Variants in GKAP1 observed in about 807,000 individuals in gnomAD.
GKAP1 encodes G kinase-anchoring protein 1.
Under a neutral mutation model 56.7 loss-of-function variants are expected in GKAP1, and 31 were observed. That is an observed-to-expected ratio of 0.55 (90% CI 0.41 to 0.74). GKAP1 has a LOEUF of 0.74. GKAP1 is among the 30% of genes least tolerant of loss of function. GKAP1 has a pLI of 0.00. For missense variants in GKAP1, 364 were observed against 402.3 expected, an observed-to-expected ratio of 0.90 and a Z score of 0.82; for synonymous variants, 151 against 138.6, an observed-to-expected ratio of 1.09 and a Z score of -0.63.
chr9:83,806,604 G>A, intron 2 of GKAP1, 44 bp from the exon 3 acceptor site: 1 of 1,058,412 alleles, frequency 9.4e-7, no homozygotes, highest in Non-Finnish European at 1.4e-6. Context: ...AACAAACAGA[G>A]TAAAATCTGT....
intron 3 of GKAP1, 113 bp from the exon 4 acceptor site, chr9:83,799,441 CGTTT>C: frequency 1.4e-6 from 1 of 703,384 alleles, no homozygotes; most frequent in Non-Finnish European, 2.3e-6. Context: ...TGAAACCACT[CGTTT>C]TGCTAACTCA....
chr9:83,813,112 A>G (rs1222837359), intron 2 of GKAP1, among the ~76,000 whole-genome samples: 3 of 152,208 alleles, frequency 2.0e-5, no homozygotes, highest in African/African-American at 7.2e-5. Context: ...CTGCATCTCC[A>G]CATACAGTCA....
chr9:83,799,959 T>C (rs1944305341), intron 3 of GKAP1, among the ~76,000 whole-genome samples: 1 of 152,138 alleles, frequency 6.6e-6, no homozygotes, highest in African/African-American at 2.4e-5. Flanking sequence ...AGTGAGACCC[T>C]GTCTCAAAAA....
rs113405334 is a variant in GKAP1 at position 83,765,479 on chromosome 9, C to T, written c.738+3339G>A. ...AGAGCTATGAGAAGGAACCACTGTC[C>T]TCCAGCCCCCAGAATGGTAGATCCA... On this transcript the variant is annotated intron_variant, in intron 8 of 12. Transcript: ENST00000376371. 6.6e-5 allele frequency among the ~76,000 whole-genome samples: 10 copies of T among 152,310 alleles called. 1 individual carries two copies. Among genetic ancestry groups the T allele is most frequent in the African/African-American group, 2.4e-4 (10 of 41,582 alleles).
chr9:83,796,256 T>C (rs1413050300), intron 4 of GKAP1, among the ~76,000 whole-genome samples: 4 of 151,860 alleles, frequency 2.6e-5, no homozygotes, highest in Admixed American at 2.0e-4. Flanking sequence ...CTAATACCTG[T>C]GTCTCTTCTA....
chr9:83,748,633 A>C, intron 9 of GKAP1: 1 of 218,570 alleles, frequency 4.6e-6, no homozygotes. Context: ...AGATAATACT[A>C]AATTTTCCTA....
chr9:83,812,018 G>A (rs372572270), intron 2 of GKAP1, among the ~76,000 whole-genome samples: 1 of 151,882 alleles, frequency 6.6e-6, no homozygotes, highest in African/African-American at 2.4e-5. Context: ...TTAAATGAAA[G>A]AAGGGAATAA....
At chr9:83,779,426 C>CATAT (rs141709042) in intron 7 of GKAP1, among the ~76,000 whole-genome samples, 121 of 92,972 alleles carry the variant, frequency 1.3e-3, no homozygotes, top group African/African-American at 3.7e-3. Context: ...GGTCAGAAGC[C>CATAT]ATATATATAT....
intron 2 of GKAP1, among the ~76,000 whole-genome samples, chr9:83,807,202 C>T (rs1486482044): frequency 6.6e-6 from 1 of 152,152 alleles, no homozygotes; most frequent in Non-Finnish European, 1.5e-5. Flanking sequence ...TTTCCACAAC[C>T]GTTTAGACTT....
intron 4 of GKAP1, among the ~76,000 whole-genome samples, chr9:83,797,911 T>C (rs1388588161): frequency 6.6e-6 from 1 of 152,200 alleles, no homozygotes; most frequent in Non-Finnish European, 1.5e-5. Context: ...TCAAAACATT[T>C]ATATTTGTAA....
intron 3 of GKAP1, among the ~76,000 whole-genome samples, chr9:83,804,010 C>T (rs547349524): frequency 2.4e-4 from 36 of 147,890 alleles, no homozygotes; most frequent in Middle Eastern, 3.8e-3. Context: ...GGAGACCCTC[C>T]GCCCAGCATC....
chr9:83,800,348 T>G (rs1371935561), intron 3 of GKAP1, among the ~76,000 whole-genome samples: 6 of 150,876 alleles, frequency 4.0e-5, no homozygotes, highest in East Asian at 1.9e-4. Flanking sequence ...TTTTGTTTTT[T>G]TTTTTTTTGG....
At chr9:83,749,864 C>T (rs1943358174) in intron 9 of GKAP1, among the ~76,000 whole-genome samples, 1 of 152,100 alleles carries the variant, frequency 6.6e-6, no homozygotes, top group South Asian at 2.1e-4. Context: ...AGAAAGACTG[C>T]TGAGAAGCTC....
Position 83,739,642 on chromosome 9 carries a change from CTT to C in GKAP1, c.*53_*54del. ...GTTGCACAGCATTAAATATATACAA[CTT>C]TGCAAAATCCTGGAAGTTTTAAACT... On this transcript the variant is annotated 3_prime_UTR_variant, in exon 13 of 13. Transcript: ENST00000376371. 1 of 1,473,576 alleles carries C rather than the reference CTT, an allele frequency of 6.8e-7. No individual in the cohort carries two copies. The highest frequency in any genetic ancestry group is 2.3e-5 in the East Asian group (1 of 44,068). 91.3% of individuals were successfully genotyped at this position (1,473,576 alleles called of 1,614,324 possible).
intron 7 of GKAP1, among the ~76,000 whole-genome samples, chr9:83,771,119 T>C (rs1384051921): frequency 6.6e-6 from 1 of 152,130 alleles, no homozygotes; most frequent in Non-Finnish European, 1.5e-5. Flanking sequence ...TGGAGTGCAG[T>C]GGCCCAATCT....
At chr9:83,803,833 C>T (rs1263996040) in intron 3 of GKAP1, among the ~76,000 whole-genome samples, 3 of 151,582 alleles carry the variant, frequency 2.0e-5, no homozygotes, top group Non-Finnish European at 4.4e-5. Context: ...GCAGCCATCC[C>T]ATCTGGGAAG....
chr9:83,815,841 T>C (rs1416075313), intron 2 of GKAP1, among the ~76,000 whole-genome samples: 3 of 152,074 alleles, frequency 2.0e-5, no homozygotes, highest in East Asian at 1.9e-4. Context: ...TGTTATTTCA[T>C]GTTCTGTTCT....
chr9:83,765,746 T>C (rs1383288971), intron 8 of GKAP1, among the ~76,000 whole-genome samples: 11 of 152,218 alleles, frequency 7.2e-5, no homozygotes, highest in Admixed American at 7.2e-4. Flanking sequence ...AGCCCCTCTG[T>C]TTTGGCCAAT....
intron 7 of GKAP1, among the ~76,000 whole-genome samples, chr9:83,777,139 A>G (rs1027738595): frequency 3.3e-5 from 5 of 152,160 alleles, no homozygotes; most frequent in African/African-American, 1.2e-4. Flanking sequence ...TATCTCCCCC[A>G]CTGCCACCTT....
Sources: allele counts gnomAD v4.1 joint callset (sites outside exome capture counted in the v4.1 genomes callset), GRCh38; gene constraint gnomAD v4.1.1; transcripts MANE v1.5; gene names NCBI Gene and HGNC (gene_info 2026-07-23, HGNC 2026-07-21).